ANO3: variants seen among roughly 807,000 people sequenced by gnomAD.
The protein encoded by ANO3 is anoctamin 3.
Under a neutral mutation model 144.8 loss-of-function variants are expected in ANO3, and 99 were observed. That is an observed-to-expected ratio of 0.68 (90% CI 0.58 to 0.81). The LOEUF (loss-of-function observed/expected upper bound fraction) is 0.81. ANO3 is among the 30% of genes least tolerant of loss of function. ANO3 has a pLI of 0.00. For synonymous variants in ANO3, 414 were observed against 392.6 expected, an observed-to-expected ratio of 1.05 and a Z score of -0.64; for missense variants, 905 against 1,202.2, an observed-to-expected ratio of 0.75 and a Z score of 3.66.
chr11:26,255,655 C>T (rs1244946992), intron 1 of ANO3, among the ~76,000 whole-genome samples: 2 of 152,066 alleles, frequency 1.3e-5, no homozygotes, highest in Non-Finnish European at 2.9e-5. Context: ...GTGCATCAGC[C>T]ATTAGTTGAG....
At chr11:26,446,299 A>G (rs1858700378) in intron 3 of ANO3, among the ~76,000 whole-genome samples, 1 of 152,224 alleles carries the variant, frequency 6.6e-6, no homozygotes, top group African/African-American at 2.4e-5. Flanking sequence ...AAGCAGTTAC[A>G]TTCTCTAAGT....
At chr11:26,219,205 C>G (rs550363314) in intron 1 of ANO3, among the ~76,000 whole-genome samples, 1 of 152,166 alleles carries the variant, frequency 6.6e-6, no homozygotes, top group Non-Finnish European at 1.5e-5. Context: ...ACAAAATTGC[C>G]CTGGGTTGAG....
rs1224700769 is a variant in ANO3 at position 26,296,446 on chromosome 11, C to G, written c.155-13199C>G. Among the ~76,000 whole-genome samples the G allele has an allele frequency of 2.6e-5, 4 of 152,280 alleles. No homozygotes were observed. The East Asian group carries it at 7.7e-4, about 29-fold the overall frequency. On this transcript the variant is annotated intron_variant, in intron 1 of 27. Transcript: ENST00000672621. Reference sequence around the variant, plus strand: ...TTGTTGACACTCAGATCATGTCTCTCTTTTACCAGCCTATGAGGGAGAGAA... The same window carrying G: ...TTGTTGACACTCAGATCATGTCTCTGTTTTACCAGCCTATGAGGGAGAGAA...
chr11:26,580,263 T>TA (rs1380871468), intron 14 of ANO3, among the ~76,000 whole-genome samples: 1 of 152,146 alleles, frequency 6.6e-6, no homozygotes, highest in East Asian at 1.9e-4. Context: ...AAATATTTTA[T>TA]AAAGGGAATA....
In ANO3 at chr11:26,563,392, T is replaced by C; in HGVS notation, c.1447+3613T>C. 1.1e-5 allele frequency: 10 copies of C among 873,854 alleles called. No homozygotes were observed. The South Asian group carries it at 2.1e-4, about 18-fold the overall frequency. 54.1% of individuals were successfully genotyped at this position (873,854 alleles called of 1,614,324 possible). On this transcript the variant is annotated intron_variant, in intron 14 of 26. Transcript: ENST00000256737. Reference sequence around the variant, plus strand: ...AAAATTAGATAATGGTGTGTTTCTCTCTCTGTGTGTGTGTGTGTGTGTGTG... The same window carrying C: ...AAAATTAGATAATGGTGTGTTTCTCCCTCTGTGTGTGTGTGTGTGTGTGTG...
intron 9 of ANO3, among the ~76,000 whole-genome samples, chr11:26,535,235 A>T (rs1023643394): frequency 3.3e-5 from 5 of 152,242 alleles, no homozygotes; most frequent in Admixed American, 2.6e-4. Context: ...GTGAAATAAT[A>T]GTTAATTTTA....
At chr11:26,641,174 G>T (rs1027751243) in intron 21 of ANO3, among the ~76,000 whole-genome samples, 1 of 151,230 alleles carries the variant, frequency 6.6e-6, no homozygotes, top group African/African-American at 2.4e-5. Context: ...TAAGAAAACA[G>T]TATTGTTACT....
intron 14 of ANO3, chr11:26,567,130 G>T: frequency 7.0e-7 from 1 of 1,431,854 alleles, no homozygotes; most frequent in Non-Finnish European, 9.2e-7. Flanking sequence ...ACAATGGCTA[G>T]TAACAGAAGC....
intron 18 of ANO3, among the ~76,000 whole-genome samples, chr11:26,629,944 T>A (rs2133030134): frequency 6.6e-6 from 1 of 152,330 alleles, no homozygotes; most frequent in East Asian, 1.9e-4. Context: ...ATCTGCTATA[T>A]TTTATTTAGG....
At chr11:26,432,779 T>C (rs1230506315) in intron 1 of ANO3, among the ~76,000 whole-genome samples, 4 of 152,222 alleles carry the variant, frequency 2.6e-5, no homozygotes, top group Non-Finnish European at 5.9e-5. Flanking sequence ...TTTGTACTGG[T>C]ATCATGCTAC....
At chr11:26,228,078 C>T (rs117167246) in intron 1 of ANO3, among the ~76,000 whole-genome samples, 2,156 of 152,284 alleles carry the variant, frequency 0.014, 38 homozygotes, top group Non-Finnish European at 0.018. Context: ...TAACCTACTG[C>T]ATCTCCAGGT....
At chr11:26,450,248 T>C (rs1306894373) in intron 3 of ANO3, among the ~76,000 whole-genome samples, 2 of 152,104 alleles carry the variant, frequency 1.3e-5, no homozygotes, top group Non-Finnish European at 2.9e-5. Context: ...TGGGTGAGGA[T>C]TGGAAGAGTG....
chr11:26,565,082 G>A (rs1850512427), intron 14 of ANO3: 1 of 1,320,484 alleles, frequency 7.6e-7, no homozygotes, highest in African/African-American at 1.5e-5. Context: ...TTTCCAGCAT[G>A]GTGATTCCTT....
chr11:26,311,335 C>T (rs1228793263), intron 1 of ANO3, among the ~76,000 whole-genome samples: 1 of 152,180 alleles, frequency 6.6e-6, no homozygotes, highest in Non-Finnish European at 1.5e-5. Context: ...AACTAGTGTT[C>T]TAGCTGCTTC....
At chr11:26,294,894 G>A (rs1438398014) in intron 1 of ANO3, among the ~76,000 whole-genome samples, 1 of 151,580 alleles carries the variant, frequency 6.6e-6, no homozygotes, top group Non-Finnish European at 1.5e-5. Context: ...TTTTTTAAAT[G>A]TATTTATTTA....
chr11:26,558,048 T>C (rs2134240323), intron 13 of ANO3, among the ~76,000 whole-genome samples: 1 of 152,320 alleles, frequency 6.6e-6, no homozygotes, highest in East Asian at 1.9e-4. Context: ...ATATTACATG[T>C]ACTCCAACTT....
chr11:26,310,260 A>G (rs1338542124), intron 1 of ANO3, among the ~76,000 whole-genome samples: 1 of 152,200 alleles, frequency 6.6e-6, no homozygotes, highest in African/African-American at 2.4e-5. Flanking sequence ...AAATGTACTT[A>G]GCAGTCAACT....
intron 3 of ANO3, among the ~76,000 whole-genome samples, chr11:26,459,644 A>C (rs2134052325): frequency 6.6e-6 from 1 of 152,166 alleles, no homozygotes; most frequent in South Asian, 2.1e-4. Flanking sequence ...AGGCTCACAA[A>C]AAATACCTTA....
intron 1 of ANO3, among the ~76,000 whole-genome samples, chr11:26,424,378 AT>A (rs2134002070): frequency 6.6e-6 from 1 of 152,016 alleles, no homozygotes; most frequent in South Asian, 2.1e-4. Flanking sequence ...TCTCTATTAT[AT>A]AACACTGCCT....
Sources: allele counts gnomAD v4.1 joint callset (sites outside exome capture counted in the v4.1 genomes callset), GRCh38; gene constraint gnomAD v4.1.1; transcripts MANE v1.5; gene names NCBI Gene and HGNC (gene_info 2026-07-23, HGNC 2026-07-21).